The following PELI2 variants were observed in gnomAD, a reference collection of about 807,000 sequenced individuals.
The protein encoded by PELI2 is pellino E3 ubiquitin protein ligase family member 2.
In PELI2, 23 loss-of-function variants were observed where a neutral mutation model predicts 42.3. The observed-to-expected ratio is 0.54, with a 90% confidence interval of 0.39 to 0.77. The LOEUF (loss-of-function observed/expected upper bound fraction) is 0.77, where lower values mean the gene tolerates loss of function less well. Ranked by LOEUF, PELI2 falls within the 30% of genes least tolerant of loss-of-function variation. The probability of loss-of-function intolerance (pLI) is 0.00; values close to 1 mark genes in which losing one functional copy is unlikely to be tolerated. For synonymous variants in PELI2, 245 were observed against 212.2 expected, an observed-to-expected ratio of 1.15 and a Z score of -1.34; for missense variants, 463 against 553.2, an observed-to-expected ratio of 0.84 and a Z score of 1.64.
chr14:56,129,505 C>A (rs1255822253), intron 1 of PELI2, among the ~76,000 whole-genome samples: 1 of 152,218 alleles, frequency 6.6e-6, no homozygotes, highest in Non-Finnish European at 1.5e-5. Context: ...TCCTGTTACC[C>A]ATTCAGACAA....
intron 3 of PELI2, among the ~76,000 whole-genome samples, chr14:56,280,463 AAAC>A (rs1241067758): frequency 2.0e-5 from 3 of 152,098 alleles, no homozygotes; most frequent in African/African-American, 7.2e-5. Context: ...TAGTACTTTA[AAAC>A]AACAAACAAT....
At chr14:56,213,067 T>C (rs1886766206) in intron 2 of PELI2, among the ~76,000 whole-genome samples, 1 of 152,202 alleles carries the variant, frequency 6.6e-6, no homozygotes. Flanking sequence ...GTCATTGCCC[T>C]TCAGTCTTCT....
chr14:56,126,416 A>G (rs1363636365), intron 1 of PELI2, among the ~76,000 whole-genome samples: 1 of 152,174 alleles, frequency 6.6e-6, no homozygotes, highest in Non-Finnish European at 1.5e-5. Flanking sequence ...CTCACTCTCA[A>G]ACACTTCACT....
rs61743937 is a variant in PELI2 at position 56,296,917 on chromosome 14, C to T, written c.1014C>T (p.Cys338=). ...TEANERECPM[C]RTVGPYVPLW... ...CCAACGAGAGGGAGTGTCCCATGTG[C>T]AGGACTGTGGGCCCCTATGTGCCTC... The change falls in exon 6 of 6, where the codon TGC becomes TGT. Residue 338 remains cysteine, a synonymous_variant. Transcript: ENST00000267460. 2,013 of 1,614,144 alleles carry T rather than the reference C, an allele frequency of 1.2e-3. 18 individuals carry two copies. The African/African-American group carries it at 0.023, about 18-fold the overall frequency.
At chr14:56,181,921 G>A (rs370732493) in intron 2 of PELI2, among the ~76,000 whole-genome samples, 2 of 152,032 alleles carry the variant, frequency 1.3e-5, no homozygotes, top group Admixed American at 6.6e-5. Flanking sequence ...TGTTGCATAG[G>A]CATAGGGCTT....
In PELI2 at chr14:56,273,836, C is replaced by A. The variant is rs3783682; in HGVS notation, c.208-5840C>A. Among the ~76,000 whole-genome samples, 20,338 of 152,186 alleles carry A rather than the reference C, an allele frequency of 0.13. 1,738 individuals are homozygous for A. Among genetic ancestry groups the A allele is most frequent in the Middle Eastern group, 0.21 (61 of 294 alleles). ...ACACTGCAAGTGACAAAATGCCTAA[C>A]GAAAAGCAGCCTAAAACCCTGATTT... On this transcript the variant is annotated intron_variant, in intron 2 of 5. Coordinates refer to ENST00000267460, the MANE Select transcript of PELI2 (RefSeq NM_021255.3). This position sits in a 1 kb window ranked among gnomAD's most constrained non-coding sequence, Gnocchi z 4.3.
chr14:56,250,555 A>T (rs1888310070), intron 2 of PELI2, among the ~76,000 whole-genome samples: 1 of 152,124 alleles, frequency 6.6e-6, no homozygotes, highest in Non-Finnish European at 1.5e-5. Flanking sequence ...CAAACCACTG[A>T]TGTAAGTCCA....
chr14:56,232,602 C>T (rs990539611), intron 2 of PELI2, among the ~76,000 whole-genome samples: 12 of 151,964 alleles, frequency 7.9e-5, no homozygotes, highest in Non-Finnish European at 1.2e-4. Context: ...ATCAACGGGA[C>T]ATATCTCAAA....
intron 2 of PELI2, among the ~76,000 whole-genome samples, chr14:56,185,618 G>T (rs975148523): frequency 2.0e-5 from 3 of 152,158 alleles, no homozygotes; most frequent in Non-Finnish European, 2.9e-5. Flanking sequence ...ATGATTTGCA[G>T]TGTCCACTGA....
At chr14:56,291,972 G>A (rs3783683) in intron 5 of PELI2, among the ~76,000 whole-genome samples, 20,203 of 152,214 alleles carry the variant, frequency 0.13, 1,719 homozygotes, top group Middle Eastern at 0.21. Context: ...CTGAGCATTT[G>A]CCTCCCTGGG....
chr14:56,213,907 A>C (rs375655103), intron 2 of PELI2, among the ~76,000 whole-genome samples: 7 of 152,094 alleles, frequency 4.6e-5, no homozygotes, highest in Non-Finnish European at 7.4e-5. Flanking sequence ...GCTGGAGTGC[A>C]GTGGCGTGAT....
chr14:56,160,748 G>A (rs1884729508), intron 1 of PELI2, among the ~76,000 whole-genome samples: 1 of 152,146 alleles, frequency 6.6e-6, no homozygotes, highest in Non-Finnish European at 1.5e-5. Flanking sequence ...AACGCCTCCT[G>A]TATTGATACT....
chr14:56,141,133 G>A (rs995334562), intron 1 of PELI2, among the ~76,000 whole-genome samples: 8 of 152,138 alleles, frequency 5.3e-5, no homozygotes, highest in Non-Finnish European at 1.2e-4. Flanking sequence ...AGTTTCCTGG[G>A]AAGTCTGGGA....
chr14:56,233,790 A>T (rs762045442), intron 2 of PELI2, among the ~76,000 whole-genome samples: 1 of 152,244 alleles, frequency 6.6e-6, no homozygotes, highest in East Asian at 1.9e-4. Flanking sequence ...CTGCACAGCA[A>T]AAGAAACTGT....
intron 2 of PELI2, among the ~76,000 whole-genome samples, chr14:56,231,904 C>T (rs952719471): frequency 2.0e-5 from 3 of 151,880 alleles, no homozygotes; most frequent in African/African-American, 7.3e-5. Flanking sequence ...CAAATAGATG[C>T]AATAAAAAAT....
intron 2 of PELI2, among the ~76,000 whole-genome samples, chr14:56,234,026 A>C (rs983418522): frequency 6.6e-6 from 1 of 152,230 alleles, no homozygotes; most frequent in African/African-American, 2.4e-5. Context: ...GCCATCAGAG[A>C]AATGCAAATC....
At chr14:56,218,624 G>T (rs922361644) in intron 2 of PELI2, among the ~76,000 whole-genome samples, 1 of 152,184 alleles carries the variant, frequency 6.6e-6, no homozygotes, top group Non-Finnish European at 1.5e-5. Flanking sequence ...AAATGGAAAT[G>T]TTATTCTTCT....
At chr14:56,168,161 A>G (rs1885034060) in intron 1 of PELI2, among the ~76,000 whole-genome samples, 1 of 152,164 alleles carries the variant, frequency 6.6e-6, no homozygotes, top group Admixed American at 6.5e-5. Context: ...GCCTGCTGTA[A>G]CTATTCCCTG....
intron 1 of PELI2, 41 bp from the exon 2 acceptor site, chr14:56,178,294 A>G (rs778199379): frequency 6.2e-7 from 1 of 1,606,960 alleles, no homozygotes; most frequent in East Asian, 2.2e-5. Flanking sequence ...TAAAGCTTGA[A>G]AAATCTGCAG....
Sources: allele counts gnomAD v4.1 joint callset (sites outside exome capture counted in the v4.1 genomes callset), GRCh38; gene constraint gnomAD v4.1.1; non-coding constraint Gnocchi (gnomAD v3.1); transcripts MANE v1.5; gene names NCBI Gene and HGNC (gene_info 2026-07-23, HGNC 2026-07-21).